ZNF862: variants seen among roughly 807,000 people sequenced by gnomAD.
The protein encoded by ZNF862 is zinc finger protein 862.
Under a neutral mutation model 91.1 loss-of-function variants are expected in ZNF862, and 64 were observed. That is an observed-to-expected ratio of 0.70 (90% CI 0.57 to 0.87). The LOEUF is 0.87. Ranked by LOEUF, ZNF862 falls within the 40% of genes least tolerant of loss-of-function variation. ZNF862 has a pLI of 0.00. For synonymous variants in ZNF862, 631 were observed against 618.1 expected (o/e 1.02, Z -0.31); for missense variants, 1,459 against 1,528.0 (o/e 0.95, Z 0.75).
Position 149,846,142 on chromosome 7 carries a change from TG to T in ZNF862, c.137-7del. 9 of 1,600,954 alleles carry T rather than the reference TG, an allele frequency of 5.6e-6. No individual in the cohort carries two copies. In the Admixed American group the frequency reaches 1.2e-4, roughly 21 times the overall value. On this transcript the variant is annotated splice_region_variant and splice_polypyrimidine_tract_variant and intron_variant, in intron 2 of 7. Transcript: ENST00000223210. ...TCTCTCTCGCTCTCTTTTTTTTTTT[TG>T]GACTCAGGACCAACTGTTGCCAATC... is the stretch of plus-strand genomic sequence containing the variant.
intron 5 of ZNF862, 125 bp from the exon 6 acceptor site, chr7:149,859,297 C>G: frequency 1.1e-6 from 1 of 933,672 alleles, no homozygotes; most frequent in Non-Finnish European, 1.7e-6. Context: ...CCCTGGCCGA[C>G]TAGACTTTAT....
intron 1 of ZNF862, chr7:149,841,280 T>C: frequency 2.0e-6 from 2 of 985,418 alleles, no homozygotes; most frequent in Non-Finnish European, 2.4e-6. Flanking sequence ...CCTTGGGTGC[T>C]GTTTTGTGGT....
chr7:149,860,141 G>A, intron 6 of ZNF862: 2 of 540,994 alleles, frequency 3.7e-6, no homozygotes, highest in Non-Finnish European at 6.5e-6. Flanking sequence ...TGGATAGGGT[G>A]GTTGGGGCGC....
rs1801823879 is a variant in ZNF862, at chr7:149,845,020, C to T, written c.136+284C>T. Reference sequence around the variant, plus strand: ...TGGTGCCTCAGAATGCCCCAAGGGGCCGGGAGGGAAACTCGGAAACTAGGC... The same window carrying T: ...TGGTGCCTCAGAATGCCCCAAGGGGTCGGGAGGGAAACTCGGAAACTAGGC... On this transcript the variant is annotated intron_variant, in intron 2 of 7. Coordinates refer to ENST00000223210, the MANE Select transcript of ZNF862 (RefSeq NM_001099220.3). 3.9e-5 allele frequency: 14 copies of T among 360,300 alleles called. No homozygotes were observed. The South Asian group carries it at 4.2e-4, about 11-fold the overall frequency. The allele number at this position is 360,300 out of a possible 1,614,324, so 22.3% of individuals were successfully genotyped here.
Position 149,843,878 on chromosome 7 carries a change from G to A in ZNF862, c.25-747G>A, listed in dbSNP as rs561649674. ...CAGAGTGTACCTTGGGTGGTTCTCC[G>A]CTTTGCCCGCTGCCGGGTGAGGGTT... On this transcript the variant is annotated intron_variant, in intron 1 of 7. Transcript: ENST00000223210. Among the ~76,000 whole-genome samples, 8 of 152,308 alleles carry A rather than the reference G, an allele frequency of 5.3e-5. No individual in the cohort carries two copies. In the South Asian group the frequency reaches 1.5e-3, roughly 28 times the overall value.
Position 149,848,128 on chromosome 7 carries a change from T to C in ZNF862, c.635T>C (p.Ile212Thr). 2 of 1,614,020 alleles carry C rather than the reference T, an allele frequency of 1.2e-6. No individual in the cohort carries two copies. The highest frequency in any genetic ancestry group is 1.6e-4 in the Middle Eastern group (1 of 6,062). Residue 212 changes from isoleucine to threonine, a missense_variant, in exon 4 of 8, where the codon ATC becomes ACC. Transcript: ENST00000223210. The part of the protein sequence containing the change: ...CVNALAARDP[I>T]WAARFRSIRD... ...AATGCCTTGGCAGCGAGGGACCCCA[T>C]CTGGGCAGCCCGGTTCCGGAGCATC...
At chr7:149,852,370 TGTGA>T (rs1191422759) in intron 5 of ZNF862, among the ~76,000 whole-genome samples, 221 of 137,730 alleles carry the variant, frequency 1.6e-3, no homozygotes, top group East Asian at 0.013. Flanking sequence ...TGTGTGTGTG[TGTGA>T]GAGAGAGAGA....
In ZNF862 at chr7:149,850,338, G is replaced by C; in HGVS notation, c.1117G>C (p.Gly373Arg). Residue 373 changes from glycine to arginine, a missense_variant and splice_region_variant, in exon 5 of 8, where the codon GGA (glycine) becomes CGA (arginine). By Grantham distance (125) the Gly-to-Arg change is moderately radical. Transcript: ENST00000223210. The surrounding 1 kb of genome is among the most constrained non-coding windows in gnomAD (Gnocchi z 4.2). ...RMNYELLASL[G>R]PAAAKPDLIS... ...GAACTACGAGCTGTTGGCATCCTTGGGTAAAGACGCACCGAGCCTCTTATT... is the reference window on the plus strand; with the variant it reads ...GAACTACGAGCTGTTGGCATCCTTGCGTAAAGACGCACCGAGCCTCTTATT... 6.2e-7 allele frequency: 1 copy of C among 1,608,124 alleles called. No homozygotes were observed. The highest frequency in any genetic ancestry group is 8.5e-7 in the Non-Finnish European group (1 of 1,176,290).
Position 149,848,198 on chromosome 7 carries a change from C to T in ZNF862, c.705C>T (p.Phe235=). 6.2e-7 allele frequency: 1 copy of T among 1,614,016 alleles called. No individual in the cohort carries two copies. Among genetic ancestry groups the T allele is most frequent in the South Asian group, 1.1e-5 (1 of 91,070 alleles). ...GDVLASPEPL[F]TADCPIFYPP... ...TTCTGGCCAGCCCGGAGCCGCTCTTCACTGCAGATTGCCCCATATTCTACC... is the reference window on the plus strand; with the variant it reads ...TTCTGGCCAGCCCGGAGCCGCTCTTTACTGCAGATTGCCCCATATTCTACC... The change falls in exon 4 of 8, where the codon TTC becomes TTT. Residue 235 remains phenylalanine (F), a synonymous_variant. Transcript: ENST00000223210.
intron 1 of ZNF862, 47 bp downstream of exon 1, chr7:149,838,682 CCGAGCCGGGCTCGGG>C (rs1364071400): frequency 8.5e-7 from 1 of 1,180,914 alleles, no homozygotes; most frequent in Non-Finnish European, 1.1e-6. Flanking sequence ...CCGAGGATCC[CCGAGCCGGGCTCGGG>C]CGAGGCGGGG....
At position 149,854,640 on chromosome 7, in the gene ZNF862, C is replaced by T. The variant is rs564626027; in HGVS notation, c.1117+4302C>T. On this transcript the variant is annotated intron_variant, in intron 5 of 7. Coordinates refer to ENST00000223210, the MANE Select transcript of ZNF862 (RefSeq NM_001099220.3). ...AGAGTCTTAGCCCAAACCAAGGGGC[C>T]GGCCAGGCAGGCTCCTGTCTGGAGG... Among the ~76,000 whole-genome samples, 6 of 152,324 alleles carry T rather than the reference C, an allele frequency of 3.9e-5. No individual in the cohort carries two copies. The South Asian group carries it at 8.3e-4, about 21-fold the overall frequency.
rs1216369725 is a variant in ZNF862, at chr7:149,861,603, G to A, written c.2443G>A (p.Ala815Thr). The change falls in exon 7 of 8, where the codon GCA becomes ACA. Residue 815 changes from alanine to threonine, a missense_variant. Ala to Thr is a moderately conservative substitution (Grantham distance 58). Coordinates refer to ENST00000223210, the MANE Select transcript of ZNF862 (RefSeq NM_001099220.3). This position sits in a 1 kb window ranked among gnomAD's most constrained non-coding sequence, Gnocchi z 6.7. ...CCTGGCCAGGCACCTCCAGAGGGTG[G>A]CAGAGGCTGGGGGCCAGATTGGGCA... ...PALARHLQRV[A>T]EAGGQIGHRA... The A allele has an allele frequency of 6.2e-7, 1 of 1,600,090 alleles. No homozygotes were observed. Among genetic ancestry groups the A allele is most frequent in the Non-Finnish European group, 8.5e-7 (1 of 1,175,558 alleles).
intron 5 of ZNF862, chr7:149,856,065 G>A (rs1336137112): frequency 6.6e-6 from 1 of 152,202 alleles, no homozygotes; most frequent in Non-Finnish European, 1.5e-5. Context: ...TCAGCTCTGT[G>A]ACTCCTCTCG....
rs539641652 is a variant in ZNF862 at position 149,838,489 on chromosome 7, C to G, written c.-123C>G. 6 of 610,738 alleles carry G rather than the reference C, an allele frequency of 9.8e-6. No homozygotes were observed. In the East Asian group the frequency reaches 2.1e-4, roughly 21 times the overall value. The allele number at this position is 610,738 out of a possible 1,614,324, so 37.8% of individuals were successfully genotyped here. A position where few individuals can be genotyped will look rare whatever the true frequency, so the allele number is the denominator to read the frequency against. On this transcript the variant is annotated 5_prime_UTR_variant, in exon 1 of 8. Coordinates refer to ENST00000223210, the MANE Select transcript of ZNF862 (RefSeq NM_001099220.3). ...GAGAGAGCGAAGTTCTTGGGCCGCG[C>G]TCCCTCCCTACCTGGGTGCCCTCCC...
At chr7:149,853,506 T>G (rs965793950) in intron 5 of ZNF862, among the ~76,000 whole-genome samples, 2 of 152,094 alleles carry the variant, frequency 1.3e-5, no homozygotes, top group Non-Finnish European at 2.9e-5. Context: ...TTCAGAGAGG[T>G]ACCATCAGGG....
Position 149,865,459 on chromosome 7 carries a change from C to G in ZNF862, c.*1175C>G, listed in dbSNP as rs934689494. The G allele has an allele frequency of 6.6e-6, 1 of 152,328 alleles. No homozygotes were observed. The highest frequency in any genetic ancestry group is 2.1e-4 in the South Asian group (1 of 4,816). The allele number at this position is 152,328 out of a possible 1,614,324, so 9.4% of individuals were successfully genotyped here. On this transcript the variant is annotated 3_prime_UTR_variant, in exon 8 of 8. Coordinates refer to ENST00000223210, the MANE Select transcript of ZNF862 (RefSeq NM_001099220.3). ...CTCCTCCAGGGACTTTGGGCCTGCT[C>G]TAGCTTCAGAACCACAGAACCACCG...
At position 149,861,685 on chromosome 7, in the gene ZNF862, A is replaced by G. The variant is rs1025374521; in HGVS notation, c.2525A>G (p.His842Arg). 6.2e-7 allele frequency: 1 copy of G among 1,612,502 alleles called. No homozygotes were observed. The highest frequency in any genetic ancestry group is 2.2e-5 in the East Asian group (1 of 44,836). ...MRGFHFVKFC[H>R]FLLDFLSIYR... ...GGCTTCCACTTTGTCAAGTTCTGCC[A>G]CTTCCTGTTGGACTTCCTGAGCATC... The change falls in exon 7 of 8, where the codon CAC (histidine) becomes CGC (arginine). Residue 842 changes from histidine to arginine, a missense_variant. Coordinates refer to ENST00000223210, the MANE Select transcript of ZNF862 (RefSeq NM_001099220.3). This position sits in a 1 kb window ranked among gnomAD's most constrained non-coding sequence, Gnocchi z 6.7.
Position 149,846,734 on chromosome 7 carries a change from C to T in ZNF862, c.241+479C>T, listed in dbSNP as rs113298413. Reference sequence around the variant, plus strand: ...ATCTTGGCATTACGTAAAATAACTGCGTTAACCCAGCCCCTACTGTGGGAG... The same window carrying T: ...ATCTTGGCATTACGTAAAATAACTGTGTTAACCCAGCCCCTACTGTGGGAG... On this transcript the variant is annotated intron_variant, in intron 3 of 7. Coordinates refer to ENST00000223210, the MANE Select transcript of ZNF862 (RefSeq NM_001099220.3). 2.2e-3 allele frequency among the ~76,000 whole-genome samples: 341 copies of T among 152,334 alleles called. 6 individuals are homozygous for T. The South Asian group carries it at 0.031, about 14-fold the overall frequency.
At position 149,859,410 on chromosome 7, in the gene ZNF862, T is replaced by C; in HGVS notation, c.1118-12T>C. 6.4e-7 allele frequency: 1 copy of C among 1,562,026 alleles called. No homozygotes were observed. The highest frequency in any genetic ancestry group is 8.7e-7 in the Non-Finnish European group (1 of 1,152,356). On this transcript the variant is annotated splice_polypyrimidine_tract_variant and intron_variant, in intron 5 of 7. Coordinates refer to ENST00000223210, the MANE Select transcript of ZNF862 (RefSeq NM_001099220.3). ...GCAGTGACATCAGCATGATTCTTCA[T>C]CCTTACAACAGGACCTGCCGCTGCC...
Sources: allele counts gnomAD v4.1 joint callset (sites outside exome capture counted in the v4.1 genomes callset), GRCh38; gene constraint gnomAD v4.1.1; non-coding constraint Gnocchi (gnomAD v3.1); transcripts MANE v1.5; gene names NCBI Gene and HGNC (gene_info 2026-07-23, HGNC 2026-07-21).